The following CACNA1C variants were observed in gnomAD, a reference collection of about 807,000 sequenced individuals.
CACNA1C encodes calcium voltage-gated channel subunit alpha1 C.
Under a neutral mutation model 229.0 loss-of-function variants are expected in CACNA1C, and 30 were observed. The observed-to-expected ratio is 0.13, with a 90% CI of 0.10 to 0.18. The LOEUF (loss-of-function observed/expected upper bound fraction) is 0.18. Among genes scored for constraint, CACNA1C ranks in the 10% least tolerant of loss-of-function variants. CACNA1C has a pLI of 1.00. For synonymous variants in CACNA1C, 1,114 were observed against 1,132.5 expected, an observed-to-expected ratio of 0.98 and a Z score of 0.33; for missense variants, 1,658 against 2,845.0, an observed-to-expected ratio of 0.58 and a Z score of 9.49.
In CACNA1C at chr12:2,674,599, G is replaced by T; in HGVS notation, c.4785G>T (p.Arg1595=). ...CGATCATCAAGAAGATCTGGAAGCG[G>T]ACCAGCATGAAGCTGCTGGACCAGG... is the stretch of plus-strand genomic sequence containing the variant. ...LRAIIKKIWK[R]TSMKLLDQVV... The change falls in exon 39 of 47, where the codon CGG becomes CGT. Residue 1595 remains arginine (R), a synonymous_variant. Transcript: ENST00000399655. 6.3e-7 allele frequency: 1 copy of T among 1,576,628 alleles called. No homozygotes were observed. The highest frequency in any genetic ancestry group is 8.6e-7 in the Non-Finnish European group (1 of 1,160,706).
chr12:2,028,384 A>C (rs567743854), intron 1 of CACNA1C, among the ~76,000 whole-genome samples: 18 of 152,182 alleles, frequency 1.2e-4, no homozygotes, highest in Non-Finnish European at 2.5e-4. Context: ...GATCTAGTCC[A>C]ACTTCTCATT....
At position 2,649,616 on chromosome 12, in the gene CACNA1C, C is replaced by G. The variant is rs1433455155; in HGVS notation, c.3945+1109C>G. On this transcript the variant is annotated intron_variant, in intron 31 of 46. Transcript: ENST00000399655. The surrounding 1 kb of genome is among the most constrained non-coding windows in gnomAD (Gnocchi z 4.4). Reference sequence around the variant, plus strand: ...GAGCAGCATTAGGAAACTGCAGCCACAGGGGAGGGCTCTGAACAGTGGAAT... The same window carrying G: ...GAGCAGCATTAGGAAACTGCAGCCAGAGGGGAGGGCTCTGAACAGTGGAAT... Among the ~76,000 whole-genome samples the G allele has an allele frequency of 1.3e-5, 2 of 152,138 alleles. No individual in the cohort carries two copies. Among genetic ancestry groups the G allele is most frequent in the Non-Finnish European group, 2.9e-5 (2 of 68,040 alleles).
intron 3 of CACNA1C, among the ~76,000 whole-genome samples, chr12:2,234,658 CTG>C (rs568116212): frequency 2.6e-5 from 4 of 151,652 alleles, no homozygotes; most frequent in Non-Finnish European, 4.4e-5. Flanking sequence ...CAAAAATTTT[CTG>C]TGTGTGTGTG....
At chr12:2,411,661 G>A (rs1367413518) in intron 3 of CACNA1C, among the ~76,000 whole-genome samples, 2 of 152,166 alleles carry the variant, frequency 1.3e-5, no homozygotes, top group Non-Finnish European at 2.9e-5. Flanking sequence ...TTTACACCAG[G>A]GAGCCCAGAG....
chr12:2,385,221 C>G (rs2098352082), intron 3 of CACNA1C, among the ~76,000 whole-genome samples: 1 of 152,154 alleles, frequency 6.6e-6, no homozygotes, highest in Admixed American at 6.5e-5. Context: ...GAAGAGACTT[C>G]AGAGGGATCT....
At chr12:1,973,786 A>T (rs116592461) in intron 1 of CACNA1C, among the ~76,000 whole-genome samples, 135 of 152,320 alleles carry the variant, frequency 8.9e-4, no homozygotes, top group African/African-American at 3.0e-3. Context: ...AATAGAAACA[A>T]CTTATTCTGC....
intron 3 of CACNA1C, among the ~76,000 whole-genome samples, chr12:2,242,637 G>A (rs531486483): frequency 1.3e-5 from 2 of 152,322 alleles, no homozygotes; most frequent in South Asian, 4.1e-4. Context: ...GGCCCAACCG[G>A]ATTCTTTACT....
At chr12:2,582,412 A>T (rs2060860920) in intron 14 of CACNA1C, among the ~76,000 whole-genome samples, 1 of 152,200 alleles carries the variant, frequency 6.6e-6, no homozygotes, top group South Asian at 2.1e-4. Flanking sequence ...TCACATGTAG[A>T]TGTTGTCAAA....
intron 1 of CACNA1C, among the ~76,000 whole-genome samples, chr12:1,982,497 A>C (rs139817765): frequency 7.7e-4 from 117 of 152,282 alleles, no homozygotes; most frequent in South Asian, 1.4e-3. Flanking sequence ...TGTCTGGTTT[A>C]ACTTAGCATA....
At chr12:2,290,739 G>T (rs2154452483) in intron 3 of CACNA1C, among the ~76,000 whole-genome samples, 1 of 152,276 alleles carries the variant, frequency 6.6e-6, no homozygotes, top group South Asian at 2.1e-4. Flanking sequence ...GTGTCTTAGA[G>T]ATGAGAAAAG....
At chr12:2,607,397 G>A (rs1379865993) in intron 26 of CACNA1C, 6 of 403,868 alleles carry the variant, frequency 1.5e-5, no homozygotes, top group Admixed American at 8.0e-5. Flanking sequence ...CATGAGCCAC[G>A]ATGTCAGAGA....
intron 1 of CACNA1C, among the ~76,000 whole-genome samples, chr12:2,042,706 GC>G (rs1360108994): frequency 6.6e-6 from 1 of 152,154 alleles, no homozygotes; most frequent in African/African-American, 2.4e-5. Context: ...GACAGGAGAA[GC>G]GGCAGGTGGG....
At chr12:2,591,521 G>C (rs1268702730) in intron 18 of CACNA1C, among the ~76,000 whole-genome samples, 8 of 152,146 alleles carry the variant, frequency 5.3e-5, no homozygotes, top group Non-Finnish European at 1.2e-4. Context: ...GGTTCTGCTG[G>C]GATCCATGGA....
chr12:2,178,950 T>C (rs1231386536), intron 3 of CACNA1C, among the ~76,000 whole-genome samples: 1 of 152,092 alleles, frequency 6.6e-6, no homozygotes, highest in Non-Finnish European at 1.5e-5. Context: ...CAGTCCCAGT[T>C]ACCCAGGAGG....
chr12:2,067,493 C>T lies in CACNA1C; in HGVS notation c.49+13882C>T, dbSNP rs1038251460. On this transcript the variant is annotated intron_variant, in intron 1 of 46. Transcript: ENST00000399655. The surrounding 1 kb of genome is among the most constrained non-coding windows in gnomAD (Gnocchi z 5.3). ...GTGTGTGTGTGTGTGCGCGCGTGTG[C>T]GTGCCTGTATGTAAGGGCAGGCACA... Among the ~76,000 whole-genome samples, 30 of 144,528 alleles carry T rather than the reference C, an allele frequency of 2.1e-4. No individual in the cohort carries two copies. The highest frequency in any genetic ancestry group is 3.5e-4 in the Non-Finnish European group (23 of 65,780). 94.8% of individuals were successfully genotyped at this position (144,528 alleles called of 152,430 possible). A position where few individuals can be genotyped will look rare whatever the true frequency, so the allele number is the denominator to read the frequency against.
At chr12:2,644,453 G>A (rs773439632) in intron 30 of CACNA1C, among the ~76,000 whole-genome samples, 2 of 152,164 alleles carry the variant, frequency 1.3e-5, no homozygotes, top group Non-Finnish European at 2.9e-5. Context: ...TCTTACCCTT[G>A]GCTGTGCTTT....
At chr12:2,292,740 T>G (rs2093635701) in intron 3 of CACNA1C, among the ~76,000 whole-genome samples, 1 of 152,116 alleles carries the variant, frequency 6.6e-6, no homozygotes, top group African/African-American at 2.4e-5. Context: ...CCTGGGGAGC[T>G]TCTAGTTCTC....
At chr12:2,341,073 G>A (rs188853410) in intron 3 of CACNA1C, among the ~76,000 whole-genome samples, 2 of 152,306 alleles carry the variant, frequency 1.3e-5, no homozygotes, top group East Asian at 1.9e-4. Flanking sequence ...AGACTTGGTC[G>A]AAAGCCCTGG....
intron 18 of CACNA1C, among the ~76,000 whole-genome samples, chr12:2,587,498 T>C (rs2063040425): frequency 6.6e-6 from 1 of 152,226 alleles, no homozygotes; most frequent in South Asian, 2.1e-4. Context: ...GTACGGCAGA[T>C]ACACCTCTTG....
Sources: gnomAD v4.1 joint callset for allele counts (sites outside exome capture counted in the v4.1 genomes callset) on GRCh38, gnomAD v4.1.1 for gene constraint, Gnocchi (gnomAD v3.1) non-coding constraint, MANE v1.5 for transcripts, NCBI Gene and HGNC (gene_info 2026-07-23, HGNC 2026-07-21) for gene names.